NMNAT3: variants seen among roughly 807,000 people sequenced by gnomAD.
NMNAT3 encodes the protein nicotinamide/nicotinic acid mononucleotide adenylyltransferase 3.
NMNAT3 carries 21 observed loss-of-function variants against 24.8 expected under a neutral mutation model. The observed-to-expected ratio is 0.85, with a 90% CI of 0.60 to 1.22. NMNAT3 has a LOEUF of 1.22. NMNAT3 is among the 50% of genes most tolerant of loss of function. The pLI is 0.00. For synonymous variants in NMNAT3, 136 were observed against 155.2 expected (o/e 0.88, Z 0.92); for missense variants, 387 against 436.6 (o/e 0.89, Z 1.01).
intron 4 of NMNAT3, among the ~76,000 whole-genome samples, chr3:139,580,331 T>G (rs1022789688): frequency 5.9e-5 from 9 of 152,288 alleles, no homozygotes; most frequent in African/African-American, 1.2e-4. Flanking sequence ...CCATGTTGGC[T>G]AGGCTGGTCT....
At chr3:139,647,505 C>A (rs2108376201) in intron 1 of NMNAT3, among the ~76,000 whole-genome samples, 1 of 152,226 alleles carries the variant, frequency 6.6e-6, no homozygotes, top group Non-Finnish European at 1.5e-5. Context: ...GAAAAAGGGT[C>A]ATTGCAGATG....
chr3:139,561,376 C>T lies in NMNAT3; in HGVS notation c.675G>A (p.Lys225=), dbSNP rs1164359340. 31 of 1,613,162 alleles carry T rather than the reference C, an allele frequency of 1.9e-5. No homozygotes were observed. The highest frequency in any genetic ancestry group is 2.5e-5 in the Non-Finnish European group (29 of 1,179,408). Residue 225 remains lysine (K), a synonymous_variant, in exon 7 of 7, where the codon AAG becomes AAA. Transcript: ENST00000643695. ...TCAAGACGTCTGCCCCACAGAGAAG[C>T]TTCAGCTCAGGCACAGCTGCAAAAA...
chr3:139,661,088 C>T (rs2057400333), intron 1 of NMNAT3, among the ~76,000 whole-genome samples: 1 of 152,128 alleles, frequency 6.6e-6, no homozygotes, highest in Non-Finnish European at 1.5e-5. Flanking sequence ...AGTCGCATAC[C>T]ATAAGCAATC....
intron 3 of NMNAT3, among the ~76,000 whole-genome samples, chr3:139,623,831 T>C (rs1004805894): frequency 6.6e-6 from 1 of 152,206 alleles, no homozygotes; most frequent in African/African-American, 2.4e-5. Context: ...TCTGCCTGCA[T>C]TGGCCTCCCA....
Position 139,560,636 on chromosome 3 carries a change from G to C in NMNAT3, c.*374C>G, listed in dbSNP as rs567925921. On this transcript the variant is annotated 3_prime_UTR_variant, in exon 7 of 7. Transcript: ENST00000643695. ...GGTCCTAGTTAAAAAACACATTGTGGGCAATTCTGATCTGACCCTCAGGGG... is the reference window on the plus strand; with the variant it reads ...GGTCCTAGTTAAAAAACACATTGTGCGCAATTCTGATCTGACCCTCAGGGG... The C allele has an allele frequency of 5.3e-6, 1 of 188,472 alleles. No homozygotes were observed. Among genetic ancestry groups the C allele is most frequent in the African/African-American group, 2.3e-5 (1 of 42,730 alleles). The allele number at this position is 188,472 out of a possible 1,614,324, so 11.7% of individuals were successfully genotyped here.
intron 1 of NMNAT3, among the ~76,000 whole-genome samples, chr3:139,673,792 TAGAG>T (rs141706657): frequency 1.3e-5 from 2 of 150,210 alleles, no homozygotes; most frequent in Admixed American, 6.7e-5. Context: ...GAGGAAGGAA[TAGAG>T]AGAGAGAGAG....
chr3:139,587,603 A>G (rs1381029908), intron 3 of NMNAT3, among the ~76,000 whole-genome samples: 1 of 152,164 alleles, frequency 6.6e-6, no homozygotes, highest in Non-Finnish European at 1.5e-5. Flanking sequence ...GTAAAAGACT[A>G]AGCTGAAAAT....
chr3:139,589,546 AG>A (rs2054078942), intron 3 of NMNAT3, among the ~76,000 whole-genome samples: 1 of 152,228 alleles, frequency 6.6e-6, no homozygotes, highest in African/African-American at 2.4e-5. Context: ...AAAATGTTAA[AG>A]GAAAATCATT....
At chr3:139,571,847 G>C (rs1385544155) in intron 6 of NMNAT3, among the ~76,000 whole-genome samples, 1 of 152,192 alleles carries the variant, frequency 6.6e-6, no homozygotes, top group African/African-American at 2.4e-5. Flanking sequence ...TATGCAGAGA[G>C]GTGAAGTGTG....
intron 1 of NMNAT3, among the ~76,000 whole-genome samples, chr3:139,642,824 C>T (rs537645087): frequency 6.6e-6 from 1 of 152,194 alleles, no homozygotes; most frequent in South Asian, 2.1e-4. Flanking sequence ...GGCTGCTTCC[C>T]TCCTGTAATT....
At position 139,561,073 on chromosome 3, in the gene NMNAT3, G is replaced by A. The variant is rs779030021; in HGVS notation, c.978C>T (p.Leu326=). 12 of 1,613,946 alleles carry A rather than the reference G, an allele frequency of 7.4e-6. No homozygotes were observed. In the Admixed American group the frequency reaches 1.5e-4, roughly 20 times the overall value. ...CTTTCCAGGTACTGCCCTTGGTGTA[G>A]AGGCCATGGTCCTTGATGTACGTGA... The change falls in exon 7 of 7, where the codon CTC becomes CTT. Residue 326 remains leucine, a synonymous_variant. Transcript: ENST00000643695.
At chr3:139,583,343 A>C in intron 3 of NMNAT3, 3 of 1,454,202 alleles carry the variant, frequency 2.1e-6, no homozygotes, top group Non-Finnish European at 2.9e-6. Flanking sequence ...CACAAGTGGA[A>C]TCTGTTCAAT....
chr3:139,640,647 T>A (rs1050806065), intron 1 of NMNAT3, among the ~76,000 whole-genome samples: 1 of 152,192 alleles, frequency 6.6e-6, no homozygotes, highest in African/African-American at 2.4e-5. Context: ...GGATGCTCTA[T>A]GAATCACAGT....
At chr3:139,562,376 C>T (rs1936539747) in intron 6 of NMNAT3, among the ~76,000 whole-genome samples, 2 of 152,160 alleles carry the variant, frequency 1.3e-5, no homozygotes, top group African/African-American at 4.8e-5. Context: ...ATCCGTGTCC[C>T]TCTTGGTGAG....
intron 1 of NMNAT3, among the ~76,000 whole-genome samples, 194 bp downstream of exon 1, chr3:139,677,511 C>T (rs1054610370): frequency 6.6e-6 from 1 of 152,246 alleles, no homozygotes. Flanking sequence ...GCAGCGAGAA[C>T]CGCCGGCGCG....
intron 1 of NMNAT3, among the ~76,000 whole-genome samples, chr3:139,666,574 C>T (rs1338439985): frequency 2.0e-5 from 3 of 152,026 alleles, no homozygotes; most frequent in African/African-American, 7.2e-5. Flanking sequence ...AAATATTTAC[C>T]ATCTTTATGT....
chr3:139,639,163 T>C, intron 1 of NMNAT3, among the ~76,000 whole-genome samples: 1 of 152,336 alleles, frequency 6.6e-6, no homozygotes, highest in East Asian at 1.9e-4. Context: ...TCCATCTGAC[T>C]GGAGAGTGAG....
intron 1 of NMNAT3, among the ~76,000 whole-genome samples, chr3:139,666,225 A>G (rs932890569): frequency 6.6e-6 from 1 of 152,130 alleles, no homozygotes; most frequent in African/African-American, 2.4e-5. Context: ...CCCCCTGAAG[A>G]TAGGCAGGCC....
At chr3:139,573,199 T>C (rs1437775339) in intron 6 of NMNAT3, among the ~76,000 whole-genome samples, 1 of 152,200 alleles carries the variant, frequency 6.6e-6, no homozygotes, top group African/African-American at 2.4e-5. Flanking sequence ...AATTCTGCTA[T>C]AAATAAAGTC....
Sources: allele counts gnomAD v4.1 joint callset (sites outside exome capture counted in the v4.1 genomes callset), GRCh38; gene constraint gnomAD v4.1.1; transcripts MANE v1.5; gene names NCBI Gene and HGNC (gene_info 2026-07-23, HGNC 2026-07-21).